Variants in ME3 observed in about 807,000 individuals in gnomAD.
ME3 encodes the protein NADP-dependent malic enzyme, mitochondrial.
In ME3, 48 loss-of-function variants were observed where a neutral mutation model predicts 68.9. The ratio of observed to expected loss-of-function variants is 0.70; its 90% CI spans 0.55 to 0.89. The LOEUF (loss-of-function observed/expected upper bound fraction) is 0.89. Ranked by LOEUF, ME3 falls within the 40% of genes least tolerant of loss-of-function variation. The pLI is 0.00. For synonymous variants in ME3, 320 were observed against 318.8 expected, an observed-to-expected ratio of 1.00 and a Z score of -0.04; for missense variants, 675 against 797.4, an observed-to-expected ratio of 0.85 and a Z score of 1.85.
chr11:86,450,100 A>T, intron 9 of ME3, 98 bp from the exon 10 acceptor site: 1 of 1,080,626 alleles, frequency 9.3e-7, no homozygotes, highest in East Asian at 2.4e-5. Flanking sequence ...TCTTTCCCCC[A>T]CCTCAATGAC....
intron 7 of ME3, among the ~76,000 whole-genome samples, chr11:86,485,077 C>G (rs1280686642): frequency 3.3e-5 from 5 of 152,214 alleles, no homozygotes; most frequent in African/African-American, 1.2e-4. Context: ...CTCATTCCCA[C>G]AGACAGTCCA....
chr11:86,667,783 T>C (rs1244877826), intron 2 of ME3: 1 of 152,128 alleles, frequency 6.6e-6, no homozygotes, highest in East Asian at 1.9e-4. Flanking sequence ...AGAAATATGT[T>C]GATGGCCCAT....
intron 6 of ME3, among the ~76,000 whole-genome samples, chr11:86,487,807 C>A (rs1348480707): frequency 6.6e-6 from 1 of 152,232 alleles, no homozygotes; most frequent in Non-Finnish European, 1.5e-5. Context: ...GCCTGACGTG[C>A]ACACTGTAGG....
intron 8 of ME3, chr11:86,462,803 C>A: frequency 2.4e-6 from 1 of 414,276 alleles, no homozygotes; most frequent in Non-Finnish European, 4.8e-6. Flanking sequence ...GAGGGGAACA[C>A]CTGAGGGGCA....
intron 4 of ME3, among the ~76,000 whole-genome samples, chr11:86,553,770 A>G (rs1272713346): frequency 6.6e-6 from 1 of 152,200 alleles, no homozygotes; most frequent in Non-Finnish European, 1.5e-5. Flanking sequence ...GGAGAGCTCT[A>G]GAAGTGGTAT....
intron 2 of ME3, among the ~76,000 whole-genome samples, chr11:86,566,160 A>G (rs1957471325): frequency 6.6e-6 from 1 of 152,210 alleles, no homozygotes; most frequent in Non-Finnish European, 1.5e-5. Context: ...GCAGACATCA[A>G]GAAGGAAGGG....
intron 4 of ME3, among the ~76,000 whole-genome samples, chr11:86,541,658 C>T (rs1283696610): frequency 6.6e-6 from 1 of 152,184 alleles, no homozygotes; most frequent in African/African-American, 2.4e-5. Context: ...CAGGGGCTTA[C>T]AGATAAAACT....
chr11:86,668,723 A>G (rs1565303717), intron 2 of ME3, among the ~76,000 whole-genome samples: 1 of 152,228 alleles, frequency 6.6e-6, no homozygotes, highest in Non-Finnish European at 1.5e-5. Flanking sequence ...CTTCTCTCAG[A>G]TAATTCCACC....
At chr11:86,538,284 G>T (rs546536658) in intron 4 of ME3, among the ~76,000 whole-genome samples, 2 of 152,258 alleles carry the variant, frequency 1.3e-5, no homozygotes, top group African/African-American at 4.8e-5. Context: ...TTTGAATACT[G>T]CTACTTGCTT....
intron 2 of ME3, among the ~76,000 whole-genome samples, chr11:86,579,936 C>A (rs4944600): frequency 0.17 from 26,567 of 152,138 alleles, 3,118 homozygotes; most frequent in East Asian, 0.57. Context: ...AAATATGGAA[C>A]CTTGGAACTT....
At chr11:86,658,238 C>T (rs561576505) in intron 2 of ME3, among the ~76,000 whole-genome samples, 3 of 152,078 alleles carry the variant, frequency 2.0e-5, no homozygotes, top group African/African-American at 7.2e-5. Flanking sequence ...TTTGTCCTGC[C>T]TCAGCCACCC....
At chr11:86,504,625 C>G (rs1191233516) in intron 5 of ME3, among the ~76,000 whole-genome samples, 1 of 151,952 alleles carries the variant, frequency 6.6e-6, no homozygotes, top group African/African-American at 2.4e-5. Flanking sequence ...AACTCCTGAC[C>G]TCAGGTGATC....
downstream of ME3, among the ~76,000 whole-genome samples, chr11:86,440,164 G>A (rs959982995): frequency 2.6e-5 from 4 of 152,164 alleles, no homozygotes; most frequent in African/African-American, 9.6e-5. Flanking sequence ...GTAGCAGCAG[G>A]AGTAGGACCC....
chr11:86,521,768 C>G (rs1192272794), intron 4 of ME3, among the ~76,000 whole-genome samples: 1 of 152,234 alleles, frequency 6.6e-6, no homozygotes, highest in Non-Finnish European at 1.5e-5. Flanking sequence ...AATTTCAAAA[C>G]TACATTTTCT....
intron 2 of ME3, among the ~76,000 whole-genome samples, chr11:86,598,457 T>C (rs1262259550): frequency 6.6e-6 from 1 of 152,224 alleles, no homozygotes; most frequent in Non-Finnish European, 1.5e-5. Context: ...AAGCTCAAAC[T>C]GGGTGGAGCC....
chr11:86,555,442 G>T (rs1956879555), intron 4 of ME3, among the ~76,000 whole-genome samples: 1 of 152,168 alleles, frequency 6.6e-6, no homozygotes, highest in Non-Finnish European at 1.5e-5. Context: ...CCTTCCTGTT[G>T]CAAGAAGCAT....
intron 13 of ME3, among the ~76,000 whole-genome samples, chr11:86,443,292 G>A (rs948058583): frequency 2.0e-5 from 3 of 152,154 alleles, no homozygotes; most frequent in African/African-American, 7.2e-5. Flanking sequence ...CTCCTTCCAC[G>A]TGCTTGGTAC....
intron 4 of ME3, among the ~76,000 whole-genome samples, chr11:86,533,046 G>A (rs148399632): frequency 4.0e-5 from 6 of 149,936 alleles, no homozygotes; most frequent in African/African-American, 1.5e-4. Flanking sequence ...AGCAAGATGG[G>A]GTCTCCAAAA....
At chr11:86,477,940 G>A (rs1951176696) in intron 7 of ME3, among the ~76,000 whole-genome samples, 3 of 152,140 alleles carry the variant, frequency 2.0e-5, no homozygotes, top group Non-Finnish European at 4.4e-5. Context: ...GAGCTGGACT[G>A]TCAACAATGA....
Sources: allele counts gnomAD v4.1 joint callset (sites outside exome capture counted in the v4.1 genomes callset), GRCh38; gene constraint gnomAD v4.1.1; transcripts MANE v1.5; gene names NCBI Gene and HGNC (gene_info 2026-07-23, HGNC 2026-07-21).